The following LSM1 variants were observed in gnomAD, a reference collection of about 807,000 sequenced individuals.
LSM1 encodes LSM1 homolog, mRNA degradation associated.
LSM1 carries 13 observed loss-of-function variants against 18.0 expected under a neutral mutation model. The ratio of observed to expected loss-of-function variants is 0.72; its 90% CI spans 0.47 to 1.15. The LOEUF (loss-of-function observed/expected upper bound fraction) is 1.15, where lower values mean the gene tolerates loss of function less well. Ranked by LOEUF, LSM1 falls within the 50% of genes most tolerant of loss-of-function variation. LSM1 has a pLI of 0.00. For synonymous variants in LSM1, 46 were observed against 56.0 expected, an observed-to-expected ratio of 0.82 and a Z score of 0.80; for missense variants, 152 against 157.7, an observed-to-expected ratio of 0.96 and a Z score of 0.19.
intron 2 of LSM1, among the ~76,000 whole-genome samples, chr8:38,171,553 G>A (rs2130645446): frequency 6.6e-6 from 1 of 152,312 alleles, no homozygotes; most frequent in East Asian, 1.9e-4. Context: ...TATAATCTCA[G>A]CTACTTGGGA....
chr8:38,168,594 A>G (rs1441234591), intron 3 of LSM1, among the ~76,000 whole-genome samples: 1 of 150,270 alleles, frequency 6.7e-6, no homozygotes, highest in African/African-American at 2.4e-5. Context: ...TCTGTCCCAA[A>G]AAAAAAAAAA....
At chr8:38,176,189 C>T in intron 1 of LSM1, 86 bp downstream of exon 1, 4 of 1,160,460 alleles carry the variant, frequency 3.4e-6, no homozygotes, top group Non-Finnish European at 3.8e-6. Flanking sequence ...GCCCGGGACT[C>T]ATTCTACAAG....
At chr8:38,169,965 G>T in intron 2 of LSM1, 48 bp from the exon 3 acceptor site, 2 of 880,834 alleles carry the variant, frequency 2.3e-6, no homozygotes, top group Non-Finnish European at 3.8e-6. Context: ...TAAACTACTG[G>T]GTAAAGGCCC....
intron 1 of LSM1, among the ~76,000 whole-genome samples, chr8:38,174,922 G>A (rs868622022): frequency 1.3e-5 from 2 of 150,630 alleles, no homozygotes; most frequent in Non-Finnish European, 3.0e-5. Flanking sequence ...TACTTGGGAG[G>A]CTGAGGCACA....
chr8:38,175,025 C>CAAAAAAAAAAAAAAAAA (rs1203614273), intron 1 of LSM1, among the ~76,000 whole-genome samples: 1 of 57,092 alleles, frequency 1.8e-5, no homozygotes, highest in Non-Finnish European at 3.3e-5. Flanking sequence ...GACTCTGTCT[C>CAAAAAAAAAAAAAAAAA]AAAAAAAAAA....
At chr8:38,171,027 A>G in intron 2 of LSM1, 1 of 430,838 alleles carries the variant, frequency 2.3e-6, no homozygotes, top group Non-Finnish European at 4.7e-6. Flanking sequence ...AAACAGAAGG[A>G]AACATAATCT....
At position 38,172,013 on chromosome 8, in the gene LSM1, G is replaced by A. The variant is rs995053057; in HGVS notation, c.67C>T (p.Arg23Ter). The change falls in exon 2 of 4, where the codon CGA becomes TGA. Residue 23 changes from arginine (R) to a stop codon, truncating the protein, a stop_gained. Coordinates refer to ENST00000311351, the MANE Select transcript of LSM1 (RefSeq NM_014462.3). LOFTEE classifies it high-confidence loss of function. ...AAGCCTATAAGTGTCCTTCCATCTCGAAGCAGAACCAAGTGCTTTTCTGGG... is the reference window on the plus strand; with the variant it reads ...AAGCCTATAAGTGTCCTTCCATCTCAAAGCAGAACCAAGTGCTTTTCTGGG... ...DIDKKHLVLL[R>*]DGRTLIGFLR... The A allele has an allele frequency of 1.9e-6, 3 of 1,611,358 alleles. No homozygotes were observed. Among genetic ancestry groups the A allele is most frequent in the African/African-American group, 1.3e-5 (1 of 74,692 alleles).
In LSM1 at chr8:38,175,082, A is replaced by ATTT. The variant is rs757848283; in HGVS notation, c.46+1190_46+1192dup. On this transcript the variant is annotated intron_variant, in intron 1 of 3. Transcript: ENST00000311351. ...AAAAAGATCTGTCAACCATAAAATG[A>ATTT]TTTTTTTTTTTTTTTTGAGACGGAG... 7.2e-5 allele frequency among the ~76,000 whole-genome samples: 9 copies of ATTT among 125,212 alleles called. 1 individual carries two copies. The highest frequency in any genetic ancestry group is 5.3e-4 in the South Asian group (2 of 3,796). 82.1% of individuals were successfully genotyped at this position (125,212 alleles called of 152,430 possible).
chr8:38,163,994 C>T (rs1028947202), intron 3 of LSM1, among the ~76,000 whole-genome samples, 154 bp from the exon 4 acceptor site: 1 of 152,098 alleles, frequency 6.6e-6, no homozygotes, highest in Non-Finnish European at 1.5e-5. Context: ...GTAAGTTTTT[C>T]AAAGAAATGC....
At position 38,172,019 on chromosome 8, in the gene LSM1, G is replaced by C. The variant is rs571323351; in HGVS notation, c.61C>G (p.Leu21Val). The C allele has an allele frequency of 6.2e-7, 1 of 1,611,282 alleles. No individual in the cohort carries two copies. The highest frequency in any genetic ancestry group is 1.7e-5 in the Admixed American group (1 of 59,048). Residue 21 changes from leucine (L) to valine (V), a missense_variant, in exon 2 of 4, where the codon CTG becomes GTG. By Grantham distance (32) the Leu-to-Val change is conservative (BLOSUM62 1). Transcript: ENST00000311351. ...ATAAGTGTCCTTCCATCTCGAAGCAGAACCAAGTGCTTTTCTGGGGAGAGA... is the reference window on the plus strand; with the variant it reads ...ATAAGTGTCCTTCCATCTCGAAGCACAACCAAGTGCTTTTCTGGGGAGAGA... ...IEDIDKKHLVLLRDGRTLIGF... is the reference protein window; with the variant it reads ...IEDIDKKHLVVLRDGRTLIGF...
At chr8:38,164,435 T>G (rs1468245430) in intron 3 of LSM1, among the ~76,000 whole-genome samples, 1 of 151,854 alleles carries the variant, frequency 6.6e-6, no homozygotes, top group Non-Finnish European at 1.5e-5. Flanking sequence ...AAAAAAAAAA[T>G]TAGGGCTGCT....
At chr8:38,167,827 T>C (rs369807720) in intron 3 of LSM1, among the ~76,000 whole-genome samples, 1 of 152,014 alleles carries the variant, frequency 6.6e-6, no homozygotes, top group Admixed American at 6.6e-5. Flanking sequence ...GACAGGAGGA[T>C]TGCCTAAGCC....
chr8:38,174,476 A>C (rs1421714526), intron 1 of LSM1, among the ~76,000 whole-genome samples: 1 of 152,116 alleles, frequency 6.6e-6, no homozygotes, highest in Non-Finnish European at 1.5e-5. Flanking sequence ...AAATGGCTTC[A>C]AAGTTTTCAT....
At chr8:38,170,069 T>C in intron 2 of LSM1, 152 bp from the exon 3 acceptor site, 2 of 507,550 alleles carry the variant, frequency 3.9e-6, no homozygotes, top group East Asian at 3.4e-5. Flanking sequence ...TGAGACCGAG[T>C]CTCGCTCTGT....
chr8:38,176,714 C>A, upstream of LSM1: 1 of 988,026 alleles, frequency 1.0e-6, no homozygotes, highest in Non-Finnish European at 1.4e-6. Flanking sequence ...CCTCAGCTTT[C>A]GGGGTTCGGC....
At chr8:38,169,032 A>T (rs1802983233) in intron 3 of LSM1, among the ~76,000 whole-genome samples, 2 of 152,188 alleles carry the variant, frequency 1.3e-5, no homozygotes. Context: ...AGCAAACACC[A>T]AAGTTTTTGG....
chr8:38,169,738 C>A, intron 3 of LSM1, 64 bp downstream of exon 3: 1 of 931,982 alleles, frequency 1.1e-6, no homozygotes, highest in South Asian at 1.6e-5. Flanking sequence ...TTTGAAAAGA[C>A]AAAAAAAGAA....
chr8:38,172,151 T>C (rs1202580653), intron 1 of LSM1, 118 bp from the exon 2 acceptor site: 1 of 716,974 alleles, frequency 1.4e-6, no homozygotes, highest in East Asian at 2.5e-5. Flanking sequence ...AATGTGAAGT[T>C]CAAGTTCATT....
chr8:38,165,455 A>G (rs1318705137), intron 3 of LSM1, among the ~76,000 whole-genome samples: 2 of 152,206 alleles, frequency 1.3e-5, no homozygotes, highest in African/African-American at 4.8e-5. Flanking sequence ...GAAAATTTAA[A>G]AATTATCCAT....
Sources: gnomAD v4.1 joint callset for allele counts (sites outside exome capture counted in the v4.1 genomes callset) on GRCh38, gnomAD v4.1.1 for gene constraint, MANE v1.5 for transcripts, NCBI Gene and HGNC (gene_info 2026-07-23, HGNC 2026-07-21) for gene names.